The following MDGA2 variants were observed in gnomAD, a reference collection of about 807,000 sequenced individuals.
MDGA2 encodes the protein MAM domain containing glycosylphosphatidylinositol anchor 2.
Under a neutral mutation model 117.8 loss-of-function variants are expected in MDGA2, and 40 were observed. The observed-to-expected ratio is 0.34, with a 90% CI of 0.26 to 0.44. The LOEUF is 0.44. Ranked by LOEUF, MDGA2 falls within the 20% of genes least tolerant of loss-of-function variation. The pLI is 1.00. For synonymous variants in MDGA2, 452 were observed against 439.0 expected, an observed-to-expected ratio of 1.03 and a Z score of -0.37; for missense variants, 1,123 against 1,250.6, an observed-to-expected ratio of 0.90 and a Z score of 1.54.
chr14:47,346,960 C>G (rs927295214), intron 1 of MDGA2, among the ~76,000 whole-genome samples: 1 of 152,096 alleles, frequency 6.6e-6, no homozygotes, highest in East Asian at 1.9e-4. Flanking sequence ...AACTTGGTAC[C>G]TATCTGAAAA....
intron 3 of MDGA2, 87 bp downstream of exon 3, chr14:47,217,934 G>A (rs1323359774): frequency 1.0e-5 from 11 of 1,080,952 alleles, no homozygotes; most frequent in African/African-American, 3.2e-5. Context: ...TAAACAGAAC[G>A]CTATGGTTTT....
At chr14:47,463,720 T>C (rs998500639) in intron 1 of MDGA2, among the ~76,000 whole-genome samples, 2 of 152,130 alleles carry the variant, frequency 1.3e-5, no homozygotes, top group African/African-American at 2.4e-5. Flanking sequence ...AAATAATAGA[T>C]AACATTTTAA....
intron 1 of MDGA2, among the ~76,000 whole-genome samples, chr14:47,400,758 C>A (rs945408436): frequency 1.5e-5 from 1 of 66,214 alleles, no homozygotes; most frequent in African/African-American, 5.4e-5. Flanking sequence ...CTTTTCTTTT[C>A]TTTTTTTTTT....
intron 6 of MDGA2, among the ~76,000 whole-genome samples, chr14:47,085,945 T>C (rs1890879553): frequency 6.6e-6 from 1 of 152,090 alleles, no homozygotes; most frequent in Non-Finnish European, 1.5e-5. Flanking sequence ...AACTTTAAGA[T>C]AGCAGAAAAG....
intron 1 of MDGA2, among the ~76,000 whole-genome samples, chr14:47,478,237 T>A (rs1413101574): frequency 6.6e-6 from 1 of 152,220 alleles, no homozygotes; most frequent in Non-Finnish European, 1.5e-5. Context: ...TTTCTTGTGT[T>A]ACTTGAAGGA....
chr14:47,218,240 C>A, intron 2 of MDGA2, 45 bp from the exon 3 acceptor site: 1 of 1,435,630 alleles, frequency 7.0e-7, no homozygotes, highest in South Asian at 1.5e-5. Context: ...TTGGTTTTCC[C>A]ACAGAGAAAT....
intron 1 of MDGA2, among the ~76,000 whole-genome samples, chr14:47,660,960 T>C (rs1897834180): frequency 6.6e-6 from 1 of 152,124 alleles, no homozygotes; most frequent in African/African-American, 2.4e-5. Flanking sequence ...ATAAAACATA[T>C]CTTTCTTTTC....
At chr14:46,850,040 G>A (rs1880998718) in intron 15 of MDGA2, among the ~76,000 whole-genome samples, 1 of 151,858 alleles carries the variant, frequency 6.6e-6, no homozygotes. Context: ...GAAATGACAA[G>A]TTTAAAACTG....
intron 1 of MDGA2, among the ~76,000 whole-genome samples, chr14:47,584,502 C>T (rs942314431): frequency 6.6e-6 from 1 of 151,770 alleles, no homozygotes; most frequent in African/African-American, 2.4e-5. Flanking sequence ...CGTTGTAGTA[C>T]AGATAACCAA....
chr14:47,225,710 C>T (rs974047388), intron 2 of MDGA2, among the ~76,000 whole-genome samples: 4 of 151,688 alleles, frequency 2.6e-5, no homozygotes, highest in Admixed American at 6.6e-5. Flanking sequence ...ATACCTAATG[C>T]TAAATGACGA....
chr14:47,219,706 C>G (rs916642321), intron 2 of MDGA2, among the ~76,000 whole-genome samples: 1 of 151,718 alleles, frequency 6.6e-6, no homozygotes, highest in South Asian at 2.1e-4. Context: ...TAAATTGACT[C>G]TAAAATTGAA....
chr14:47,034,543 CAA>C (rs1176712028), intron 8 of MDGA2, among the ~76,000 whole-genome samples: 1 of 151,910 alleles, frequency 6.6e-6, no homozygotes, highest in East Asian at 1.9e-4. Flanking sequence ...ATAATTTAAG[CAA>C]AGAGATGCTT....
At chr14:47,085,919 A>T (rs1890878788) in intron 6 of MDGA2, among the ~76,000 whole-genome samples, 1 of 152,092 alleles carries the variant, frequency 6.6e-6, no homozygotes, top group Non-Finnish European at 1.5e-5. Context: ...AGAGAAAGTA[A>T]CACTGATTTT....
intron 1 of MDGA2, among the ~76,000 whole-genome samples, chr14:47,566,940 G>T (rs1320795322): frequency 1.3e-5 from 2 of 150,176 alleles, no homozygotes; most frequent in African/African-American, 2.5e-5. Flanking sequence ...AGAAGGTTTT[G>T]CTCTGTTGCC....
intron 1 of MDGA2, among the ~76,000 whole-genome samples, chr14:47,645,660 T>C (rs947570421): frequency 6.6e-6 from 1 of 152,150 alleles, no homozygotes; most frequent in Non-Finnish European, 1.5e-5. Context: ...TACATTTTTT[T>C]AAGATTTCAT....
chr14:47,093,137 C>T lies in MDGA2; in HGVS notation c.1195+3717G>A, dbSNP rs114644821. Among the ~76,000 whole-genome samples the T allele has an allele frequency of 6.3e-3, 963 of 152,050 alleles. 10 individuals are homozygous for T. The highest frequency in any genetic ancestry group is 0.022 in the African/African-American group (924 of 41,498). Reference sequence around the variant, plus strand: ...ACAGACAAAAAAGCCACCTGTGCTCCATCTCCCTTTCTTACTTCAGCTCTC... The same window carrying T: ...ACAGACAAAAAAGCCACCTGTGCTCTATCTCCCTTTCTTACTTCAGCTCTC... On this transcript the variant is annotated intron_variant, in intron 6 of 16. Coordinates refer to ENST00000399232, the MANE Select transcript of MDGA2 (RefSeq NM_001113498.3).
At chr14:46,988,364 G>A (rs1045900101) in intron 8 of MDGA2, among the ~76,000 whole-genome samples, 1 of 152,018 alleles carries the variant, frequency 6.6e-6, no homozygotes, top group African/African-American at 2.4e-5. Flanking sequence ...ATTTTGATTC[G>A]ACAACTGAGA....
At chr14:47,565,703 A>T (rs376460760) in intron 1 of MDGA2, among the ~76,000 whole-genome samples, 1 of 152,188 alleles carries the variant, frequency 6.6e-6, no homozygotes, top group Non-Finnish European at 1.5e-5. Flanking sequence ...ACCAGTCTCC[A>T]TAAGGTTGTT....
At chr14:46,858,827 A>G (rs1318432728) in intron 14 of MDGA2, among the ~76,000 whole-genome samples, 1 of 152,086 alleles carries the variant, frequency 6.6e-6, no homozygotes, top group Non-Finnish European at 1.5e-5. Flanking sequence ...GCTATGAATC[A>G]TATATTCTAT....
Sources: gnomAD v4.1 joint callset for allele counts (sites outside exome capture counted in the v4.1 genomes callset) on GRCh38, gnomAD v4.1.1 for gene constraint, MANE v1.5 for transcripts, NCBI Gene and HGNC (gene_info 2026-07-23, HGNC 2026-07-21) for gene names.